LRRC66: variants seen among roughly 807,000 people sequenced by gnomAD.
LRRC66 encodes leucine-rich repeat-containing protein 66.
In LRRC66, 29 loss-of-function variants were observed where a neutral mutation model predicts 24.6. That is an observed-to-expected ratio of 1.18 (90% CI 0.88 to 1.61). The LOEUF is 1.61. Ranked by LOEUF, LRRC66 falls within the 40% of genes most tolerant of loss-of-function variation. LRRC66 has a pLI of 0.00. For missense variants in LRRC66, 1,124 were observed against 1,058.0 expected (o/e 1.06, Z -0.87); for synonymous variants, 411 against 397.6 (o/e 1.03, Z -0.40).
Position 52,017,875 on chromosome 4 carries a change from G to A in LRRC66, c.-5-257C>T, listed in dbSNP as rs1009987067. ...TTTTCAGAAAATACATATTCAGTTA[G>A]GCCTCACCTCTGCATCTGCTTTTCC... On this transcript the variant is annotated intron_variant, in intron 1 of 4. Transcript: ENST00000682860. 3.0e-6 allele frequency: 3 copies of A among 985,210 alleles called. No individual in the cohort carries two copies. The African/African-American group carries it at 5.2e-5, about 17-fold the overall frequency. The allele number at this position is 985,210 out of a possible 1,614,324, so 61.0% of individuals were successfully genotyped here.
intron 2 of LRRC66, among the ~76,000 whole-genome samples, chr4:52,004,832 G>A (rs1256366568): frequency 2.0e-5 from 3 of 152,190 alleles, no homozygotes; most frequent in East Asian, 1.9e-4. Context: ...TCGTCAGGAC[G>A]ACGAATCAAT....
chr4:51,996,241 G>T lies in LRRC66; in HGVS notation c.857-76C>A, dbSNP rs1040833611. On this transcript the variant is annotated intron_variant, in intron 4 of 4. Coordinates refer to ENST00000682860, the MANE Select transcript of LRRC66 (RefSeq NM_001024611.3). Reference sequence around the variant, plus strand: ...TTCAGGGGTTTTTCTCTTTTTTACAGAATTGAAAAAAATTCAATTTTTTTG... The same window carrying T: ...TTCAGGGGTTTTTCTCTTTTTTACATAATTGAAAAAAATTCAATTTTTTTG... 6 of 1,388,986 alleles carry T rather than the reference G, an allele frequency of 4.3e-6. No homozygotes were observed. The East Asian group carries it at 9.5e-5, about 22-fold the overall frequency. The allele number at this position is 1,388,986 out of a possible 1,614,324, so 86.0% of individuals were successfully genotyped here.
At chr4:52,006,880 GA>G (rs903180857) in intron 2 of LRRC66, among the ~76,000 whole-genome samples, 7 of 151,558 alleles carry the variant, frequency 4.6e-5, no homozygotes, top group Admixed American at 2.6e-4. Flanking sequence ...TTTTACAAAT[GA>G]AAAAAAACTA....
intron 2 of LRRC66, among the ~76,000 whole-genome samples, chr4:52,014,943 T>C (rs1482365455): frequency 6.6e-6 from 1 of 152,220 alleles, no homozygotes; most frequent in East Asian, 1.9e-4. Context: ...ACATTTTTCT[T>C]GATCTTTTGG....
Position 51,997,838 on chromosome 4 carries a change from A to G in LRRC66, c.766T>C (p.Trp256Arg). The G allele has an allele frequency of 6.2e-7, 1 of 1,614,118 alleles. No homozygotes were observed. The highest frequency in any genetic ancestry group is 8.5e-7 in the Non-Finnish European group (1 of 1,179,974). Residue 256 changes from tryptophan to arginine, a missense_variant, in exon 4 of 5, where the codon TGG becomes CGG. Trp to Arg is a moderately radical substitution (Grantham distance 101). Transcript: ENST00000682860. The part of the protein sequence containing the change: ...HLVVDLADNN[W>R]QCDDSVAVFQ... Reference sequence around the variant, plus strand: ...ACTGCCACACTATCATCACACTGCCAGTTATTATCAGCCAAGTCAACCACT... The same window carrying G: ...ACTGCCACACTATCATCACACTGCCGGTTATTATCAGCCAAGTCAACCACT...
intron 2 of LRRC66, 40 bp downstream of exon 2, chr4:52,017,078 C>A (rs185588017): frequency 1.2e-5 from 19 of 1,556,030 alleles, no homozygotes; most frequent in Non-Finnish European, 1.6e-5. Context: ...AACAACTCCA[C>A]GTAAGCATTG....
chr4:52,017,597 A>C lies in LRRC66; in HGVS notation c.17T>G (p.Phe6Cys). 1 of 1,561,906 alleles carries C rather than the reference A, an allele frequency of 6.4e-7. No homozygotes were observed. The highest frequency in any genetic ancestry group is 8.6e-7 in the Non-Finnish European group (1 of 1,161,900). MKNLY[F>C]RVITIVIGLY... ...ACCTATAACTATGGTAATGACTCTG[A>C]AATAGAGGTTTTTCATAATGCCTGG... The change falls in exon 2 of 5, where the codon TTC becomes TGC. Residue 6 changes from phenylalanine (F) to cysteine (C), a missense_variant. Coordinates refer to ENST00000682860, the MANE Select transcript of LRRC66 (RefSeq NM_001024611.3).
chr4:52,011,870 ATATAAGATG>A (rs1253695820), intron 2 of LRRC66, among the ~76,000 whole-genome samples: 3 of 152,208 alleles, frequency 2.0e-5, no homozygotes, highest in African/African-American at 7.2e-5. Context: ...AAATAGTGTA[ATATAAGATG>A]TGTAAAAGAA....
chr4:51,994,378 C>T lies in LRRC66; in HGVS notation c.*1G>A, dbSNP rs1325064605. On this transcript the variant is annotated 3_prime_UTR_variant, in exon 5 of 5. Coordinates refer to ENST00000682860, the MANE Select transcript of LRRC66 (RefSeq NM_001024611.3). ...GTGAATATTTCCTTAATGAAAGATTCTTATTTTAAAATGTCTGAGTCTCTT... is the reference window on the plus strand; with the variant it reads ...GTGAATATTTCCTTAATGAAAGATTTTTATTTTAAAATGTCTGAGTCTCTT... The T allele has an allele frequency of 2.5e-6, 4 of 1,600,634 alleles. No homozygotes were observed. In the African/African-American group the frequency reaches 4.1e-5, roughly 16 times the overall value.
chr4:52,007,475 T>G (rs549535780), intron 2 of LRRC66, among the ~76,000 whole-genome samples: 19 of 152,190 alleles, frequency 1.2e-4, no homozygotes, highest in Non-Finnish European at 2.2e-4. Flanking sequence ...TGTGAACCAC[T>G]GCTCCCAGCC....
Position 51,997,945 on chromosome 4 carries a change from A to G in LRRC66, c.667-8T>C. On this transcript the variant is annotated splice_polypyrimidine_tract_variant and splice_region_variant and intron_variant, in intron 3 of 4. Coordinates refer to ENST00000682860, the MANE Select transcript of LRRC66 (RefSeq NM_001024611.3). ...GTTGCTAAGGTCTATGACCTGTTTG[A>G]GAAGAAACAAGTTTAGGATGGTCTG... The G allele has an allele frequency of 6.2e-7, 1 of 1,609,102 alleles. No individual in the cohort carries two copies.
intron 3 of LRRC66, among the ~76,000 whole-genome samples, chr4:51,999,917 A>T (rs1736409324): frequency 6.6e-6 from 1 of 152,220 alleles, no homozygotes; most frequent in Admixed American, 6.5e-5. Context: ...ATGTCAGTGA[A>T]ACTTATTTCA....
chr4:52,014,037 T>A (rs1206710250), intron 2 of LRRC66, among the ~76,000 whole-genome samples: 1 of 152,212 alleles, frequency 6.6e-6, no homozygotes, highest in East Asian at 1.9e-4. Context: ...GCGGATCACC[T>A]GAGATCAGGA....
In LRRC66 at chr4:51,995,961, C is replaced by T. The variant is rs756358037; in HGVS notation, c.1061G>A (p.Arg354Lys). The T allele has an allele frequency of 3.3e-5, 54 of 1,614,008 alleles. No homozygotes were observed. In the East Asian group the frequency reaches 1.2e-3, roughly 35 times the overall value. The change falls in exon 5 of 5, where the codon AGG (arginine) becomes AAG (lysine). Residue 354 changes from arginine (R) to lysine (K), a missense_variant. Coordinates refer to ENST00000682860, the MANE Select transcript of LRRC66 (RefSeq NM_001024611.3). ...GLRKKQRRLPRSVRSTRDVQA... is the reference protein window; with the variant it reads ...GLRKKQRRLPKSVRSTRDVQA... ...CACATCGCGGGTGCTTCTAACACTC[C>T]TTGGCAGCCGTCTCTGCTTCTTCCT...
intron 2 of LRRC66, among the ~76,000 whole-genome samples, chr4:52,006,607 C>T (rs1369599600): frequency 6.1e-5 from 9 of 148,012 alleles, no homozygotes; most frequent in South Asian, 2.2e-4. Flanking sequence ...TGCTAGATGA[C>T]GAGTTAGTGG....
rs1736268296 is a variant in LRRC66 at position 51,995,202 on chromosome 4, CCT to C, written c.1818_1819del (p.Gly608HisfsTer2). 1.2e-6 allele frequency: 2 copies of C among 1,614,194 alleles called. No homozygotes were observed. On this transcript the variant is annotated frameshift_variant, in exon 5 of 5. Transcript: ENST00000682860. LOFTEE classifies it low-confidence loss of function (END_TRUNC). ...GTCCCAAAGTGACTGTTCAGTGCCC[CCT>C]CTTTCCTTACTATCTCCAGTCCTCT...
intron 2 of LRRC66, among the ~76,000 whole-genome samples, chr4:52,014,007 A>G (rs913633756): frequency 6.6e-6 from 1 of 152,228 alleles, no homozygotes; most frequent in African/African-American, 2.4e-5. Flanking sequence ...TAATCCCAGC[A>G]CTTTGGGAGG....
At position 52,007,415 on chromosome 4, in the gene LRRC66, G is replaced by C. The variant is rs150987103; in HGVS notation, c.497-4023C>G. ...TGCCCAGGCTGTTCTCAAATTTCTG[G>C]CCTCAAGCAATCCTCCCACCTTGGC... On this transcript the variant is annotated intron_variant, in intron 2 of 4. Coordinates refer to ENST00000682860, the MANE Select transcript of LRRC66 (RefSeq NM_001024611.3). Among the ~76,000 whole-genome samples the C allele has an allele frequency of 1.1e-4, 17 of 152,038 alleles. No homozygotes were observed. The East Asian group carries it at 3.3e-3, about 29-fold the overall frequency.
intron 2 of LRRC66, among the ~76,000 whole-genome samples, 173 bp downstream of exon 2, chr4:52,016,945 A>T (rs1417897732): frequency 6.6e-6 from 1 of 152,164 alleles, no homozygotes; most frequent in East Asian, 1.9e-4. Flanking sequence ...ATTAGCTGTA[A>T]ATTCCACACA....
Sources: allele counts gnomAD v4.1 joint callset (sites outside exome capture counted in the v4.1 genomes callset), GRCh38; gene constraint gnomAD v4.1.1; transcripts MANE v1.5; gene names NCBI Gene and HGNC (gene_info 2026-07-23, HGNC 2026-07-21).